SRGAP3: variants seen among roughly 807,000 people sequenced by gnomAD.
SRGAP3 encodes the protein SLIT-ROBO Rho GTPase-activating protein 3.
A neutral mutation model predicts 121.1 loss-of-function variants in SRGAP3; 39 were observed. That is an observed-to-expected ratio of 0.32 (90% CI 0.25 to 0.42). The LOEUF (loss-of-function observed/expected upper bound fraction) is 0.42. Among genes scored for constraint, SRGAP3 ranks in the 10% least tolerant of loss-of-function variants. The pLI, the probability that SRGAP3 is intolerant of heterozygous loss-of-function variation, is 1.00. For missense variants in SRGAP3, 1,213 were observed against 1,470.6 expected, an observed-to-expected ratio of 0.82 and a Z score of 2.86; for synonymous variants, 601 against 570.0, an observed-to-expected ratio of 1.05 and a Z score of -0.77.
chr3:9,320,331 G>A (rs1247927813), intron 3 of SRGAP3, among the ~76,000 whole-genome samples: 2 of 151,948 alleles, frequency 1.3e-5, no homozygotes, highest in Non-Finnish European at 2.9e-5. Context: ...TCAAACTGCA[G>A]TACCCAATGT....
At chr3:9,084,938 T>C (rs941683879) in intron 3 of SRGAP3, among the ~76,000 whole-genome samples, 4 of 152,194 alleles carry the variant, frequency 2.6e-5, no homozygotes, top group Admixed American at 6.5e-5. Flanking sequence ...GGGGATGACT[T>C]TGGGGGCCAC....
rs114834558 is a variant in SRGAP3, at chr3:9,182,567, G to A, written c.68-57650C>T. Reference sequence around the variant, plus strand: ...CATGAGACAATACATTTCTGTGGGTGTTAAGCCACCCAGTTTTTGATGCTG... The same window carrying A: ...CATGAGACAATACATTTCTGTGGGTATTAAGCCACCCAGTTTTTGATGCTG... On this transcript the variant is annotated intron_variant, in intron 1 of 21. Coordinates refer to ENST00000383836, the MANE Select transcript of SRGAP3 (RefSeq NM_014850.4). 9.3e-3 allele frequency among the ~76,000 whole-genome samples: 1,415 copies of A among 152,294 alleles called. 29 individuals are homozygous for A. Among genetic ancestry groups the A allele is most frequent in the African/African-American group, 0.033 (1,363 of 41,554 alleles).
At chr3:9,351,437 T>C (rs978786755) in intron 1 of SRGAP3, among the ~76,000 whole-genome samples, 12 of 152,158 alleles carry the variant, frequency 7.9e-5, no homozygotes. Flanking sequence ...GGACCAATCT[T>C]AATCGCGTTA....
chr3:9,096,935 T>TTATA (rs1553661310), intron 3 of SRGAP3, among the ~76,000 whole-genome samples: 2 of 71,252 alleles, frequency 2.8e-5, no homozygotes, highest in Non-Finnish European at 5.3e-5. Context: ...TTACATTATT[T>TTATA]TGTATATATA....
chr3:9,092,646 GTCT>G (rs771235277), intron 3 of SRGAP3, among the ~76,000 whole-genome samples: 67 of 152,264 alleles, frequency 4.4e-4, no homozygotes, highest in Non-Finnish European at 6.6e-4. Context: ...CACCTTTAAG[GTCT>G]TCTTTCCCTA....
intron 1 of SRGAP3, chr3:9,192,485 G>A (rs1222009736): frequency 6.6e-6 from 1 of 152,150 alleles, no homozygotes; most frequent in Non-Finnish European, 1.5e-5. Context: ...GGACACCAAG[G>A]GGCAGTTGGG....
rs753272398 is a variant in SRGAP3, at chr3:9,053,270, G to A, written c.1126-46C>T. 5.7e-6 allele frequency: 9 copies of A among 1,573,318 alleles called. No homozygotes were observed. In the Admixed American group the frequency reaches 1.3e-4, roughly 22 times the overall value. On this transcript the variant is annotated intron_variant, in intron 8 of 21. Coordinates refer to ENST00000383836, the MANE Select transcript of SRGAP3 (RefSeq NM_014850.4). The stretch of plus-strand genomic sequence containing the variant: ...GACAAAAATCCTGTATTCTCATACT[G>A]CCGTTGACACCTAAAGTCCCTTTCC...
chr3:9,343,739 T>C (rs970299917), intron 1 of SRGAP3, among the ~76,000 whole-genome samples: 5 of 152,318 alleles, frequency 3.3e-5, no homozygotes, highest in South Asian at 4.1e-4. Flanking sequence ...CACACAATAA[T>C]GGCTCACTGC....
chr3:9,067,259 A>C (rs542508379), intron 4 of SRGAP3, among the ~76,000 whole-genome samples: 2 of 152,120 alleles, frequency 1.3e-5, no homozygotes, highest in Non-Finnish European at 2.9e-5. Flanking sequence ...TGTGAAAAAA[A>C]ATATATTTTT....
chr3:9,191,048 G>GA lies in SRGAP3; in HGVS notation c.67+57836dup, dbSNP rs759801518. Among the ~76,000 whole-genome samples the GA allele has an allele frequency of 6.3e-4, 95 of 151,132 alleles. 1 individual carries two copies. The East Asian group carries it at 0.011, about 18-fold the overall frequency. ...CCCTACCCCACCTCTTCTTCCTACA[G>GA]AAAAAAAAAGAAGTTTCTCGTCCCC... is the stretch of plus-strand genomic sequence containing the variant. On this transcript the variant is annotated intron_variant, in intron 1 of 21. Coordinates refer to ENST00000383836, the MANE Select transcript of SRGAP3 (RefSeq NM_014850.4).
In SRGAP3 at chr3:9,109,691, A is replaced by G. The variant is rs76091255; in HGVS notation, c.261-4849T>C. ...TCAGTGCAGTCATGGGAAGGAGGCT[A>G]TGGAGCAGAGAGGAGCCTCCTTCCC... On this transcript the variant is annotated intron_variant, in intron 2 of 21. Transcript: ENST00000383836. This position sits in a 1 kb window ranked among gnomAD's most constrained non-coding sequence, Gnocchi z 4.4. Among the ~76,000 whole-genome samples the G allele has an allele frequency of 0.038, 5,756 of 152,224 alleles. 380 individuals carry two copies. The highest frequency in any genetic ancestry group is 0.13 in the African/African-American group (5,415 of 41,518).
chr3:9,040,471 C>T (rs1944963655), intron 10 of SRGAP3, among the ~76,000 whole-genome samples: 1 of 152,224 alleles, frequency 6.6e-6, no homozygotes, highest in Non-Finnish European at 1.5e-5. Flanking sequence ...TGGCTCATTT[C>T]ACCTTGTCTT....
intron 1 of SRGAP3, among the ~76,000 whole-genome samples, chr3:9,341,503 C>T (rs906145140): frequency 6.6e-6 from 1 of 152,184 alleles, no homozygotes; most frequent in Non-Finnish European, 1.5e-5. Flanking sequence ...TGGAAGAATA[C>T]TGGAGATCAG....
chr3:9,306,144 T>A (rs1389182449), intron 3 of SRGAP3, among the ~76,000 whole-genome samples: 2 of 152,254 alleles, frequency 1.3e-5, no homozygotes, highest in Non-Finnish European at 2.9e-5. Context: ...GGTTTTGATC[T>A]GCATTTCTCT....
At chr3:9,311,195 C>G (rs567644616) in intron 3 of SRGAP3, among the ~76,000 whole-genome samples, 4 of 151,844 alleles carry the variant, frequency 2.6e-5, no homozygotes, top group Non-Finnish European at 5.9e-5. Context: ...ATACATACAC[C>G]GACACTTCCA....
intron 1 of SRGAP3, among the ~76,000 whole-genome samples, chr3:9,128,577 C>T (rs952269868): frequency 4.6e-5 from 7 of 152,090 alleles, no homozygotes; most frequent in South Asian, 2.1e-4. Context: ...ATCCTATGAC[C>T]GGGCAATTTC....
intron 1 of SRGAP3, among the ~76,000 whole-genome samples, chr3:9,229,428 G>C (rs1038185018): frequency 6.6e-6 from 1 of 152,200 alleles, no homozygotes; most frequent in Non-Finnish European, 1.5e-5. Context: ...TGGAGCAATA[G>C]AGCTGAGATT....
At chr3:9,176,209 C>T (rs780658445) in intron 1 of SRGAP3, among the ~76,000 whole-genome samples, 3 of 152,170 alleles carry the variant, frequency 2.0e-5, no homozygotes, top group African/African-American at 7.2e-5. Flanking sequence ...CGTGAGCAAC[C>T]ACAACCAGCC....
chr3:9,008,496 A>C (rs1943197959), intron 18 of SRGAP3: 2 of 152,906 alleles, frequency 1.3e-5, no homozygotes. Flanking sequence ...AGATGGACAG[A>C]AGGAGATCCA....
Sources: gnomAD v4.1 joint callset for allele counts (sites outside exome capture counted in the v4.1 genomes callset) on GRCh38, gnomAD v4.1.1 for gene constraint, Gnocchi (gnomAD v3.1) non-coding constraint, MANE v1.5 for transcripts, NCBI Gene and HGNC (gene_info 2026-07-23, HGNC 2026-07-21) for gene names.